Variants in SEMA3A observed in about 807,000 individuals in gnomAD.
The protein encoded by SEMA3A is semaphorin 3A.
Under a neutral mutation model 97.9 loss-of-function variants are expected in SEMA3A, and 29 were observed. The observed-to-expected ratio is 0.30, with a 90% CI of 0.22 to 0.40. SEMA3A has a LOEUF of 0.40. SEMA3A is among the 10% of genes least tolerant of loss of function. The probability of loss-of-function intolerance (pLI) is 1.00; values close to 1 mark genes in which losing one functional copy is unlikely to be tolerated. For missense variants in SEMA3A, 763 were observed against 951.3 expected (o/e 0.80, Z 2.60); for synonymous variants, 321 against 323.7 (o/e 0.99, Z 0.09).
rs182718487 is a variant in SEMA3A, at chr7:84,431,397, T to A, written c.-245-59497A>T. 6.0e-4 allele frequency among the ~76,000 whole-genome samples: 92 copies of A among 152,070 alleles called. 1 individual carries two copies. The highest frequency in any genetic ancestry group is 1.9e-4 in the Non-Finnish European group (13 of 67,886). ...TTTGATGTTTAAGGGATCTCATGAGTCTATTAGCCTTTTAAAGCTCTTCTT... is the reference window on the plus strand; with the variant it reads ...TTTGATGTTTAAGGGATCTCATGAGACTATTAGCCTTTTAAAGCTCTTCTT... On this transcript the variant is annotated intron_variant, in intron 1 of 3. Coordinates refer to the SEMA3A transcript ENST00000424555.
intron 1 of SEMA3A, among the ~76,000 whole-genome samples, chr7:84,425,734 A>C (rs944533051): frequency 1.3e-5 from 2 of 149,268 alleles, no homozygotes; most frequent in Non-Finnish European, 3.0e-5. Flanking sequence ...GCACTTTGGG[A>C]GTCTGAGGTT....
intron 2 of SEMA3A, among the ~76,000 whole-genome samples, chr7:84,357,216 G>T (rs933094069): frequency 6.6e-6 from 1 of 151,590 alleles, no homozygotes; most frequent in Admixed American, 6.6e-5. Flanking sequence ...TGCCATGTTG[G>T]TGTGCTGCAC....
At chr7:84,119,287 C>T (rs539799819) in intron 3 of SEMA3A, among the ~76,000 whole-genome samples, 6 of 152,170 alleles carry the variant, frequency 3.9e-5, no homozygotes, top group African/African-American at 1.4e-4. Flanking sequence ...ATATTTTGCA[C>T]CTAATTTGAA....
intron 1 of SEMA3A, among the ~76,000 whole-genome samples, chr7:84,417,648 C>A (rs1014517170): frequency 1.4e-4 from 21 of 151,964 alleles, no homozygotes; most frequent in Non-Finnish European, 1.8e-4. Context: ...TTAAAAATGA[C>A]TTTTTCTTAT....
At chr7:84,372,987 G>C (rs1042815899) in intron 1 of SEMA3A, among the ~76,000 whole-genome samples, 1 of 152,124 alleles carries the variant, frequency 6.6e-6, no homozygotes, top group East Asian at 1.9e-4. Flanking sequence ...AGCTCCAAAA[G>C]CTGAGTCCTC....
At chr7:84,203,481 A>G (rs577471234) in intron 3 of SEMA3A, among the ~76,000 whole-genome samples, 25 of 129,688 alleles carry the variant, frequency 1.9e-4, no homozygotes, top group African/African-American at 6.4e-4. Context: ...AGTTTTGTAG[A>G]AAGTATTTCT....
chr7:84,475,227 A>T lies in SEMA3A; in HGVS notation c.-246+17233T>A, dbSNP rs564674362. 1.1e-4 allele frequency among the ~76,000 whole-genome samples: 16 copies of T among 151,634 alleles called. No homozygotes were observed. The South Asian group carries it at 2.7e-3, about 26-fold the overall frequency. On this transcript the variant is annotated intron_variant, in intron 1 of 3. Coordinates refer to the SEMA3A transcript ENST00000424555. ...ACCTGAAATTTCCTAACAATAATGG[A>T]TTGTTAGAGAGAGAGAGTCTGTTTT...
chr7:84,024,266 G>A (rs943594910), intron 6 of SEMA3A, among the ~76,000 whole-genome samples: 11 of 152,112 alleles, frequency 7.2e-5, no homozygotes, highest in Non-Finnish European at 1.2e-4. Context: ...TTGGCTGGGC[G>A]CGGTGGCTCA....
chr7:83,993,612 A>G (rs1790063248), intron 12 of SEMA3A, among the ~76,000 whole-genome samples: 1 of 143,238 alleles, frequency 7.0e-6, no homozygotes, highest in Non-Finnish European at 1.5e-5. Flanking sequence ...TGGGTTGAAA[A>G]TTCTTTTCTT....
chr7:84,197,795 A>G (rs1584115506), upstream of SEMA3A, among the ~76,000 whole-genome samples: 2 of 127,672 alleles, frequency 1.6e-5, no homozygotes, highest in Non-Finnish European at 3.1e-5. Flanking sequence ...GCTGGAGTGC[A>G]GTGGCGCGAT....
intron 4 of SEMA3A, among the ~76,000 whole-genome samples, chr7:84,082,713 C>G (rs1024288058): frequency 2.6e-5 from 4 of 151,920 alleles, no homozygotes; most frequent in African/African-American, 9.7e-5. Flanking sequence ...CAAGCAAAGT[C>G]AAAGATGCTA....
intron 3 of SEMA3A, among the ~76,000 whole-genome samples, chr7:84,227,487 A>G (rs1018221556): frequency 1.3e-5 from 2 of 152,070 alleles, no homozygotes; most frequent in Non-Finnish European, 2.9e-5. Context: ...AGCTGCCTGG[A>G]AAAGTCATTC....
At chr7:83,998,077 TAA>T (rs1206879999) in intron 12 of SEMA3A, among the ~76,000 whole-genome samples, 3 of 151,234 alleles carry the variant, frequency 2.0e-5, no homozygotes, top group African/African-American at 7.3e-5. Context: ...ATCACAGGTA[TAA>T]GTCGGTTATG....
At chr7:84,441,789 A>G (rs1278701831) in intron 1 of SEMA3A, among the ~76,000 whole-genome samples, 1 of 152,220 alleles carries the variant, frequency 6.6e-6, no homozygotes, top group Non-Finnish European at 1.5e-5. Flanking sequence ...TAAGTAAAAT[A>G]GATGTGACTG....
intron 5 of SEMA3A, among the ~76,000 whole-genome samples, chr7:84,051,709 T>G (rs1042350646): frequency 1.3e-5 from 2 of 152,106 alleles, no homozygotes; most frequent in Non-Finnish European, 2.9e-5. Context: ...TATTTCTTTC[T>G]CCTGCCTAAT....
chr7:84,490,951 C>T (rs761324867), intron 1 of SEMA3A, among the ~76,000 whole-genome samples: 1 of 152,134 alleles, frequency 6.6e-6, no homozygotes, highest in African/African-American at 2.4e-5. Context: ...TCAATGCCAA[C>T]GATTGTCGGT....
intron 11 of SEMA3A, among the ~76,000 whole-genome samples, chr7:84,004,412 T>C (rs945693622): frequency 6.6e-6 from 1 of 152,146 alleles, no homozygotes; most frequent in African/African-American, 2.4e-5. Flanking sequence ...ATCAATTATG[T>C]TGTTTTTCTA....
chr7:84,195,422 C>CAT (rs1443795355), upstream of SEMA3A: 13 of 147,888 alleles, frequency 8.8e-5, no homozygotes, highest in Admixed American at 8.1e-4. Flanking sequence ...TGTATGTGTG[C>CAT]GTGTGTGTGT....
chr7:84,479,773 A>G (rs1806394857), intron 1 of SEMA3A, among the ~76,000 whole-genome samples: 1 of 152,216 alleles, frequency 6.6e-6, no homozygotes, highest in African/African-American at 2.4e-5. Flanking sequence ...ACTGCTCTGC[A>G]TTAAGATGAC....
Sources: gnomAD v4.1 joint callset for allele counts (sites outside exome capture counted in the v4.1 genomes callset) on GRCh38, gnomAD v4.1.1 for gene constraint, MANE v1.5 for transcripts, NCBI Gene and HGNC (gene_info 2026-07-23, HGNC 2026-07-21) for gene names.